XKR4: variants seen among roughly 807,000 people sequenced by gnomAD.
XKR4 encodes the protein XK related 4, also known as XK-related protein 4.
Under a neutral mutation model 53.9 loss-of-function variants are expected in XKR4, and 12 were observed. That is an observed-to-expected ratio of 0.22 (90% CI 0.14 to 0.36). XKR4 has a LOEUF of 0.36. Ranked by LOEUF, XKR4 falls within the 10% of genes least tolerant of loss-of-function variation. The pLI is 1.00. For missense variants in XKR4, 799 were observed against 859.5 expected (o/e 0.93, Z 0.88); for synonymous variants, 354 against 362.4 (o/e 0.98, Z 0.26).
chr8:55,430,439 T>C (rs1805085195), intron 2 of XKR4, among the ~76,000 whole-genome samples: 1 of 152,216 alleles, frequency 6.6e-6, no homozygotes, highest in African/African-American at 2.4e-5. Flanking sequence ...AACTGATGAT[T>C]CAATTTATAT....
At chr8:55,317,457 T>G (rs1819494435) in intron 1 of XKR4, among the ~76,000 whole-genome samples, 1 of 152,316 alleles carries the variant, frequency 6.6e-6, no homozygotes, top group East Asian at 1.9e-4. Context: ...AAATACCTCC[T>G]CACATTTCAT....
At chr8:55,247,827 A>C (rs186893911) in intron 1 of XKR4, among the ~76,000 whole-genome samples, 4 of 95,252 alleles carry the variant, frequency 4.2e-5, no homozygotes, top group Non-Finnish European at 1.0e-4. Flanking sequence ...ATTAATTTTA[A>C]TTTTTCTTTT....
chr8:55,439,493 A>G (rs887272831), intron 2 of XKR4, among the ~76,000 whole-genome samples: 2 of 152,234 alleles, frequency 1.3e-5, no homozygotes, highest in African/African-American at 4.8e-5. Flanking sequence ...TTAAATAAAG[A>G]AATGAAAGCA....
chr8:55,351,780 C>A (rs1015700661), intron 1 of XKR4, among the ~76,000 whole-genome samples: 7 of 152,226 alleles, frequency 4.6e-5, no homozygotes, highest in Non-Finnish European at 8.8e-5. Flanking sequence ...CCGGCCAATG[C>A]CCCTACTTTT....
intron 2 of XKR4, among the ~76,000 whole-genome samples, chr8:55,498,544 C>T (rs1270852687): frequency 1.3e-5 from 2 of 152,234 alleles, no homozygotes; most frequent in East Asian, 3.9e-4. Flanking sequence ...CTTTGGGAGG[C>T]CGAGGTGGGA....
chr8:55,512,100 G>A (rs1245600823), intron 2 of XKR4, among the ~76,000 whole-genome samples: 1 of 152,184 alleles, frequency 6.6e-6, no homozygotes, highest in African/African-American at 2.4e-5. Context: ...AATGGGTGAA[G>A]TCAAGTGACT....
At chr8:55,394,030 A>T (rs1804482772) in intron 2 of XKR4, among the ~76,000 whole-genome samples, 1 of 152,212 alleles carries the variant, frequency 6.6e-6, no homozygotes, top group Non-Finnish European at 1.5e-5. Flanking sequence ...TTTAACTGGA[A>T]ATGTAGAACA....
intron 2 of XKR4, among the ~76,000 whole-genome samples, chr8:55,405,067 A>G (rs558104443): frequency 3.7e-4 from 57 of 152,326 alleles, no homozygotes; most frequent in African/African-American, 1.3e-3. Context: ...GATGATTTAG[A>G]CATTCTTTTA....
intron 2 of XKR4, among the ~76,000 whole-genome samples, chr8:55,406,594 C>T (rs903602733): frequency 2.6e-5 from 4 of 152,224 alleles, no homozygotes; most frequent in African/African-American, 7.2e-5. Flanking sequence ...ATGTAGATGT[C>T]AGCATGTGTG....
intron 2 of XKR4, among the ~76,000 whole-genome samples, chr8:55,466,287 C>T (rs997065420): frequency 6.6e-6 from 1 of 152,074 alleles, no homozygotes; most frequent in African/African-American, 2.4e-5. Context: ...CACATACACC[C>T]TGGAATACTA....
intron 2 of XKR4, chr8:55,455,037 C>A: frequency 2.7e-6 from 2 of 741,648 alleles, no homozygotes; most frequent in Admixed American, 3.9e-5. Context: ...GCCTCCCAGT[C>A]CTTCTCCGGG....
At chr8:55,460,959 G>A (rs1419959179) in intron 2 of XKR4, among the ~76,000 whole-genome samples, 1 of 152,254 alleles carries the variant, frequency 6.6e-6, no homozygotes, top group African/African-American at 2.4e-5. Flanking sequence ...GCTCAGGCTT[G>A]AGTAGGTAAA....
In XKR4 at chr8:55,102,278, C is replaced by A; in HGVS notation, c.-211C>A. The A allele has an allele frequency of 1.8e-6, 1 of 547,318 alleles. No homozygotes were observed. Among genetic ancestry groups the A allele is most frequent in the South Asian group, 7.7e-5 (1 of 13,018 alleles). 33.9% of individuals were successfully genotyped at this position (547,318 alleles called of 1,614,324 possible). A position where few individuals can be genotyped will look rare whatever the true frequency, so the allele number is the denominator to read the frequency against. On this transcript the variant is annotated 5_prime_UTR_variant, in exon 1 of 3. Transcript: ENST00000327381. The surrounding 1 kb of genome is among the most constrained non-coding windows in gnomAD (Gnocchi z 5.1). ...GCAGGCAGCCAGGCGGCGCTCCTGC[C>A]GGCCCCAGGCGCGCCGCTAGCCCGG... is the stretch of plus-strand genomic sequence containing the variant.
intron 2 of XKR4, among the ~76,000 whole-genome samples, chr8:55,482,410 G>C (rs1167267468): frequency 6.6e-6 from 1 of 152,100 alleles, no homozygotes; most frequent in Non-Finnish European, 1.5e-5. Flanking sequence ...GTCGGGGCAT[G>C]GGGGAGGGAT....
chr8:55,497,968 T>C (rs1196023558), intron 2 of XKR4, among the ~76,000 whole-genome samples: 2 of 152,094 alleles, frequency 1.3e-5, no homozygotes, highest in Non-Finnish European at 2.9e-5. Flanking sequence ...TGTTCCACAC[T>C]CAGCCCTCTG....
At chr8:55,489,071 A>C (rs1806235763) in intron 2 of XKR4, among the ~76,000 whole-genome samples, 1 of 152,230 alleles carries the variant, frequency 6.6e-6, no homozygotes, top group African/African-American at 2.4e-5. Context: ...TGGTGGATAC[A>C]TGGCATTATA....
intron 1 of XKR4, among the ~76,000 whole-genome samples, chr8:55,172,275 C>G (rs138133222): frequency 6.6e-6 from 1 of 151,928 alleles, no homozygotes; most frequent in African/African-American, 2.4e-5. Flanking sequence ...AGCTACTCAC[C>G]TTTTCTCTGC....
At chr8:55,132,545 C>T (rs1482454980) in intron 1 of XKR4, among the ~76,000 whole-genome samples, 1 of 152,174 alleles carries the variant, frequency 6.6e-6, no homozygotes, top group Non-Finnish European at 1.5e-5. Flanking sequence ...CTCAAAATAT[C>T]TTACTGTACT....
At position 55,192,758 on chromosome 8, in the gene XKR4, G is replaced by A. The variant is rs1817460435; in HGVS notation, c.806+89464G>A. 2.0e-5 allele frequency among the ~76,000 whole-genome samples: 3 copies of A among 152,184 alleles called. No individual in the cohort carries two copies. In the South Asian group the frequency reaches 6.2e-4, roughly 32 times the overall value. On this transcript the variant is annotated intron_variant, in intron 1 of 2. Transcript: ENST00000327381. ...TTAGATTTGTGGGGCAAATGGGGGT[G>A]AGAACACATGAAAATGAACAAACTT...
Sources: gnomAD v4.1 joint callset for allele counts (sites outside exome capture counted in the v4.1 genomes callset) on GRCh38, gnomAD v4.1.1 for gene constraint, Gnocchi (gnomAD v3.1) non-coding constraint, MANE v1.5 for transcripts, NCBI Gene and HGNC (gene_info 2026-07-23, HGNC 2026-07-21) for gene names.